The following DCDC1 variants were observed in gnomAD, a reference collection of about 807,000 sequenced individuals.
DCDC1 encodes the protein doublecortin domain-containing protein 1.
A neutral mutation model predicts 178.3 loss-of-function variants in DCDC1; 200 were observed. The observed-to-expected ratio is 1.12, with a 90% CI of 1.00 to 1.26. DCDC1 has a LOEUF of 1.26. Ranked by LOEUF, DCDC1 falls within the 50% of genes most tolerant of loss-of-function variation. The pLI is 0.00. For missense variants in DCDC1, 1,983 were observed against 1,749.2 expected (o/e 1.13, Z -2.38); for synonymous variants, 690 against 604.8 (o/e 1.14, Z -2.07).
At chr11:31,260,412 C>G (rs16921997) in intron 8 of DCDC1, among the ~76,000 whole-genome samples, 3,132 of 152,174 alleles carry the variant, frequency 0.021, 94 homozygotes, top group African/African-American at 0.07. Flanking sequence ...GATGAAATAT[C>G]CTGTACTTAA....
chr11:31,005,053 C>G (rs1040113768), intron 20 of DCDC1, among the ~76,000 whole-genome samples: 5 of 152,042 alleles, frequency 3.3e-5, no homozygotes, highest in African/African-American at 1.2e-4. Context: ...TATTTTATAT[C>G]TCTCTAACAT....
chr11:31,250,100 A>G (rs977716311), intron 8 of DCDC1, among the ~76,000 whole-genome samples: 5 of 151,866 alleles, frequency 3.3e-5, no homozygotes, highest in Non-Finnish European at 7.4e-5. Flanking sequence ...GCTACCATCT[A>G]TTGTCTTTAA....
At chr11:30,936,976 CCT>C (rs1368910304) in intron 21 of DCDC1, among the ~76,000 whole-genome samples, 14 of 152,062 alleles carry the variant, frequency 9.2e-5, no homozygotes, top group African/African-American at 3.1e-4. Context: ...GATTTTTAAC[CCT>C]CCCCTGTTGC....
chr11:31,012,374 A>G (rs1952226598), intron 20 of DCDC1, among the ~76,000 whole-genome samples: 1 of 152,076 alleles, frequency 6.6e-6, no homozygotes, highest in Non-Finnish European at 1.5e-5. Context: ...AAGGTGAGAG[A>G]ATCACTTGAG....
chr11:30,980,637 G>A (rs1035184379), intron 20 of DCDC1, among the ~76,000 whole-genome samples: 8 of 152,160 alleles, frequency 5.3e-5, no homozygotes, highest in Admixed American at 2.0e-4. Context: ...TCTCAACCCT[G>A]CAAATTTTAA....
intron 36 of DCDC1, among the ~76,000 whole-genome samples, chr11:30,888,159 AAAGG>A (rs1464514375): frequency 2.0e-4 from 28 of 137,926 alleles, no homozygotes; most frequent in African/African-American, 5.6e-4. Context: ...AGAAAGAAAG[AAAGG>A]GAAAGAAAGA....
chr11:31,047,659 C>T (rs2135391106), intron 20 of DCDC1, among the ~76,000 whole-genome samples: 1 of 152,172 alleles, frequency 6.6e-6, no homozygotes, highest in Admixed American at 6.5e-5. Context: ...TATAATGTGA[C>T]TATAGTTTGT....
At chr11:31,257,053 C>T (rs1944453275) in intron 8 of DCDC1, among the ~76,000 whole-genome samples, 1 of 152,114 alleles carries the variant, frequency 6.6e-6, no homozygotes, top group South Asian at 2.1e-4. Flanking sequence ...CAAGGTGGAA[C>T]AATATTTGCT....
rs1261185378 is a variant in DCDC1, at chr11:30,904,992, C to T, written c.4277G>A (p.Gly1426Glu). 3.1e-6 allele frequency: 5 copies of T among 1,613,674 alleles called. No individual in the cohort carries two copies. The change falls in exon 31 of 39, where the codon GGG (glycine) becomes GAG (glutamate). Residue 1426 changes from glycine (G) to glutamate (E), a missense_variant. By Grantham distance (98) the Gly-to-Glu change is moderately conservative (BLOSUM62 -2). Coordinates refer to ENST00000684477, the MANE Select transcript of DCDC1 (RefSeq NM_001387274.1). The stretch of plus-strand genomic sequence containing the variant: ...GAATGTTCCAGCCACAATTAACTTC[C>T]CATTACGATACCCATCCCCATTTTT... ...AYKNGDGYRN[G>E]KLIVAGTFPM...
chr11:30,880,002 T>C (rs1416308497), intron 37 of DCDC1, among the ~76,000 whole-genome samples: 1 of 152,208 alleles, frequency 6.6e-6, no homozygotes, highest in East Asian at 1.9e-4. Context: ...TTCGATTGTA[T>C]TGTAATTATT....
At chr11:30,943,946 T>C (rs1947832373) in intron 21 of DCDC1, 2 of 244,886 alleles carry the variant, frequency 8.2e-6, no homozygotes, top group Non-Finnish European at 1.6e-5. Context: ...ATATTGTTCA[T>C]ACTTCCTTAG....
rs772363238 is a variant in DCDC1 at position 31,102,280 on chromosome 11, C to T, written c.1880G>A (p.Trp627Ter). Residue 627 changes from tryptophan (W) to a stop codon, truncating the protein, a stop_gained and splice_region_variant, in exon 15 of 39, where the codon TGG (tryptophan) becomes TAG (stop). Transcript: ENST00000684477. LOFTEE classifies it high-confidence loss of function. ...AATTGGAAATCCCTCACAAACTTCC[C>T]AACTAAGAAAAGTAAAATACGTAAT... ...NAVLLPGCGN[W>*]EVCEGFPINF... 1.6e-5 allele frequency: 11 copies of T among 691,440 alleles called. No individual in the cohort carries two copies. Among genetic ancestry groups the T allele is most frequent in the Non-Finnish European group, 1.9e-5 (7 of 372,202 alleles). The allele number at this position is 691,440 out of a possible 1,614,324, so 42.8% of individuals were successfully genotyped here.
chr11:31,279,301 G>A (rs1455473283), intron 7 of DCDC1, among the ~76,000 whole-genome samples: 1 of 151,548 alleles, frequency 6.6e-6, no homozygotes, highest in East Asian at 1.9e-4. Context: ...GTTGGCAAAA[G>A]CACTATTCCC....
intron 6 of DCDC1, among the ~76,000 whole-genome samples, chr11:31,297,391 G>C (rs770364025): frequency 6.6e-6 from 1 of 151,392 alleles, no homozygotes; most frequent in Non-Finnish European, 1.5e-5. Flanking sequence ...ATAGAGTCTC[G>C]CTATGTCACC....
intron 20 of DCDC1, among the ~76,000 whole-genome samples, chr11:31,045,504 G>A (rs962975452): frequency 1.3e-5 from 2 of 151,618 alleles, no homozygotes; most frequent in African/African-American, 4.8e-5. Flanking sequence ...CCTATTAGAA[G>A]TATGCTAAAT....
intron 9 of DCDC1, among the ~76,000 whole-genome samples, chr11:31,221,196 A>G (rs1206794000): frequency 6.6e-6 from 1 of 152,176 alleles, no homozygotes; most frequent in Non-Finnish European, 1.5e-5. Context: ...CATCAATTCT[A>G]AAGTCTAGAG....
chr11:30,874,969 C>T lies in DCDC1; in HGVS notation c.*40+3575G>A, dbSNP rs148750143. On this transcript the variant is annotated intron_variant, in intron 38 of 38. Coordinates refer to ENST00000684477, the MANE Select transcript of DCDC1 (RefSeq NM_001387274.1). ...TACTTGCCATAGATATAGAATTTCT[C>T]GTCTCCTTTCTTCCTCTCTCCTTCA... Among the ~76,000 whole-genome samples the T allele has an allele frequency of 1.4e-4, 22 of 152,240 alleles. No homozygotes were observed. The East Asian group carries it at 3.5e-3, about 24-fold the overall frequency.
intron 9 of DCDC1, among the ~76,000 whole-genome samples, chr11:31,173,303 A>G (rs979795017): frequency 6.6e-6 from 1 of 152,258 alleles, no homozygotes; most frequent in African/African-American, 2.4e-5. Context: ...AGACTCATTC[A>G]CACTGGCATG....
At chr11:30,946,659 G>A (rs796235261) in intron 21 of DCDC1, among the ~76,000 whole-genome samples, 3 of 152,226 alleles carry the variant, frequency 2.0e-5, no homozygotes, top group African/African-American at 7.2e-5. Flanking sequence ...TTTTTAAGAG[G>A]AAAGAATAAA....
Sources: allele counts gnomAD v4.1 joint callset (sites outside exome capture counted in the v4.1 genomes callset), GRCh38; gene constraint gnomAD v4.1.1; transcripts MANE v1.5; gene names NCBI Gene and HGNC (gene_info 2026-07-23, HGNC 2026-07-21).